LPP: variants seen among roughly 807,000 people sequenced by gnomAD.
LPP encodes the protein LIM domain containing preferred translocation partner in lipoma.
LPP carries 38 observed loss-of-function variants against 60.4 expected under a neutral mutation model. The observed-to-expected ratio is 0.63, with a 90% CI of 0.49 to 0.83. The LOEUF (loss-of-function observed/expected upper bound fraction) is 0.83. Ranked by LOEUF, LPP falls within the 40% of genes least tolerant of loss-of-function variation. The probability of loss-of-function intolerance (pLI) is 0.00; values close to 1 mark genes in which losing one functional copy is unlikely to be tolerated. For missense variants in LPP, 902 were observed against 783.6 expected (o/e 1.15, Z -1.80); for synonymous variants, 328 against 290.8 (o/e 1.13, Z -1.30).
rs1184540075 is a variant in LPP, at chr3:188,878,469, G to A, written c.*3990G>A. The A allele has an allele frequency of 4.7e-6, 1 of 214,458 alleles. No individual in the cohort carries two copies. The highest frequency in any genetic ancestry group is 9.4e-6 in the Non-Finnish European group (1 of 105,980). The allele number at this position is 214,458 out of a possible 1,614,324, so 13.3% of individuals were successfully genotyped here. On this transcript the variant is annotated 3_prime_UTR_variant, in exon 12 of 12. Transcript: ENST00000617246. Reference sequence around the variant, plus strand: ...TGTCCATCTGTTGCCTAGAGCTATAGTACATGTGTGTTATGAATGAAATAT... The same window carrying A: ...TGTCCATCTGTTGCCTAGAGCTATAATACATGTGTGTTATGAATGAAATAT...
Position 188,432,002 on chromosome 3 carries a change from T to C in LPP, c.193+25689T>C, listed in dbSNP as rs141440742. On this transcript the variant is annotated intron_variant, in intron 4 of 11. Transcript: ENST00000617246. ...TCTTTTTCTCTACACCTGAGCAAAA[T>C]ATACATTCATGTTCTTAAGTGCATG... Among the ~76,000 whole-genome samples, 46 of 152,286 alleles carry C rather than the reference T, an allele frequency of 3.0e-4. No homozygotes were observed. The East Asian group carries it at 8.9e-3, about 29-fold the overall frequency.
chr3:188,530,301 T>TA (rs1342083819), intron 6 of LPP, among the ~76,000 whole-genome samples: 1 of 152,230 alleles, frequency 6.6e-6, no homozygotes. Context: ...AGCTACTTTA[T>TA]AAAAAAATCC....
At chr3:188,494,433 TG>T (rs1809341243) in intron 5 of LPP, among the ~76,000 whole-genome samples, 1 of 152,332 alleles carries the variant, frequency 6.6e-6, no homozygotes, top group African/African-American at 2.4e-5. Context: ...CTGGGAATTG[TG>T]GCAGAGTCCT....
At chr3:188,243,487 C>A (rs1725728630) in intron 2 of LPP, among the ~76,000 whole-genome samples, 1 of 152,148 alleles carries the variant, frequency 6.6e-6, no homozygotes, top group Non-Finnish European at 1.5e-5. Context: ...CTGGGAAGGG[C>A]CTTTGAAAAG....
chr3:188,767,370 A>G (rs1294325124), intron 9 of LPP, among the ~76,000 whole-genome samples: 1 of 152,188 alleles, frequency 6.6e-6, no homozygotes, highest in East Asian at 1.9e-4. Flanking sequence ...TCCTTCATTA[A>G]ATATCATTAT....
At chr3:188,463,194 T>G (rs1025463190) in intron 4 of LPP, among the ~76,000 whole-genome samples, 3 of 152,200 alleles carry the variant, frequency 2.0e-5, no homozygotes. Context: ...GGGGTGTATG[T>G]GTATGTGTGT....
intron 2 of LPP, among the ~76,000 whole-genome samples, chr3:188,272,162 A>G (rs1024086161): frequency 6.6e-6 from 1 of 152,160 alleles, no homozygotes; most frequent in Non-Finnish European, 1.5e-5. Context: ...CTTGGTCAAG[A>G]TGCTTTGCAA....
intron 9 of LPP, among the ~76,000 whole-genome samples, chr3:188,845,442 C>T (rs1761154560): frequency 6.6e-6 from 1 of 152,132 alleles, no homozygotes; most frequent in Non-Finnish European, 1.5e-5. Flanking sequence ...TACTGAATTA[C>T]AATAATATCC....
chr3:188,753,219 A>G (rs903397848), intron 8 of LPP, among the ~76,000 whole-genome samples: 7 of 152,254 alleles, frequency 4.6e-5, no homozygotes, highest in African/African-American at 1.7e-4. Context: ...TGGTAGGACT[A>G]AATGAAAAAA....
At chr3:188,322,267 G>T (rs1757164429) in intron 2 of LPP, among the ~76,000 whole-genome samples, 1 of 152,170 alleles carries the variant, frequency 6.6e-6, no homozygotes, top group South Asian at 2.1e-4. Context: ...ATGCTTCATT[G>T]TGAACCAGAG....
In LPP at chr3:188,182,296, C is replaced by T. The variant is rs1725245296; in HGVS notation, c.-190+28044C>T. On this transcript the variant is annotated intron_variant, in intron 1 of 11. Transcript: ENST00000617246. This position sits in a 1 kb window ranked among gnomAD's most constrained non-coding sequence, Gnocchi z 4.4. ...TACCAGTGGAGACTCTCGGTCTCAC[C>T]CCAGAATCTATGTCTTTAGGTGTTG... 6.6e-6 allele frequency among the ~76,000 whole-genome samples: 1 copy of T among 152,132 alleles called. No individual in the cohort carries two copies. Among genetic ancestry groups the T allele is most frequent in the Non-Finnish European group, 1.5e-5 (1 of 68,032 alleles).
At chr3:188,535,639 C>T (rs1471186871) in intron 6 of LPP, among the ~76,000 whole-genome samples, 1 of 151,970 alleles carries the variant, frequency 6.6e-6, no homozygotes, top group Non-Finnish European at 1.5e-5. Flanking sequence ...ATAAGAGCAA[C>T]CTAATGGTAA....
At chr3:188,522,053 T>A (rs1368671625) in intron 5 of LPP, among the ~76,000 whole-genome samples, 1 of 152,242 alleles carries the variant, frequency 6.6e-6, no homozygotes, top group Non-Finnish European at 1.5e-5. Context: ...CCACAGTGTT[T>A]CATAGTTATT....
At chr3:188,799,961 A>G (rs1746516635) in intron 9 of LPP, among the ~76,000 whole-genome samples, 2 of 152,310 alleles carry the variant, frequency 1.3e-5, no homozygotes, top group African/African-American at 4.8e-5. Flanking sequence ...TGTGTATTAT[A>G]AACCTATATA....
intron 3 of LPP, among the ~76,000 whole-genome samples, chr3:188,386,262 GCGCACACACACACACA>G (rs1470231384): frequency 5.8e-5 from 4 of 69,476 alleles, no homozygotes; most frequent in African/African-American, 1.9e-4. Context: ...CATAGCATGC[GCGCACACACACACACA>G]CACACACACA....
rs1445479535 is a variant in LPP at position 188,545,021 on chromosome 3, G to A, written c.429+20234G>A. ...TCGCAAGAACAAAAAACCAAACACC[G>A]CATATTCTCACTCATAGGTGGGAAT... is the stretch of plus-strand genomic sequence containing the variant. On this transcript the variant is annotated intron_variant, in intron 6 of 11. Coordinates refer to ENST00000617246, the MANE Select transcript of LPP (RefSeq NM_001375462.1). 8.1e-4 allele frequency among the ~76,000 whole-genome samples: 60 copies of A among 73,890 alleles called. 1 individual carries two copies. The South Asian group carries it at 0.03, about 37-fold the overall frequency. 48.5% of individuals were successfully genotyped at this position (73,890 alleles called of 152,430 possible).
intron 6 of LPP, among the ~76,000 whole-genome samples, chr3:188,536,261 G>C (rs1306877018): frequency 6.6e-6 from 1 of 152,004 alleles, no homozygotes; most frequent in Non-Finnish European, 1.5e-5. Flanking sequence ...TGCCCGCCTC[G>C]GCCTCCCAAA....
intron 2 of LPP, among the ~76,000 whole-genome samples, chr3:188,323,790 G>A (rs1478537535): frequency 6.6e-6 from 1 of 152,206 alleles, no homozygotes; most frequent in Non-Finnish European, 1.5e-5. Flanking sequence ...TGCCCCAAGT[G>A]GGCATCTTAT....
At chr3:188,810,484 A>G (rs912557647) in intron 9 of LPP, among the ~76,000 whole-genome samples, 13 of 152,106 alleles carry the variant, frequency 8.5e-5, no homozygotes, top group African/African-American at 3.1e-4. Flanking sequence ...AGAGAGAGAG[A>G]GAGGGAGACC....
Sources: allele counts gnomAD v4.1 joint callset (sites outside exome capture counted in the v4.1 genomes callset), GRCh38; gene constraint gnomAD v4.1.1; non-coding constraint Gnocchi (gnomAD v3.1); transcripts MANE v1.5; gene names NCBI Gene and HGNC (gene_info 2026-07-23, HGNC 2026-07-21).